The following CTNNA3 variants were observed in gnomAD, a reference collection of about 807,000 sequenced individuals.
The protein encoded by CTNNA3 is catenin alpha-3.
CTNNA3 carries 76 observed loss-of-function variants against 95.7 expected under a neutral mutation model. That is an observed-to-expected ratio of 0.79 (90% CI 0.66 to 0.96). The LOEUF is 0.96. Ranked by LOEUF, CTNNA3 falls within the 40% of genes least tolerant of loss-of-function variation. The probability of loss-of-function intolerance (pLI) is 0.00; values close to 1 mark genes in which losing one functional copy is unlikely to be tolerated. For synonymous variants in CTNNA3, 431 were observed against 374.4 expected (o/e 1.15, Z -1.74); for missense variants, 1,191 against 1,089.8 (o/e 1.09, Z -1.31).
intron 13 of CTNNA3, among the ~76,000 whole-genome samples, chr10:66,159,933 C>A (rs934915737): frequency 9.2e-5 from 14 of 151,886 alleles, no homozygotes; most frequent in African/African-American, 3.1e-4. Flanking sequence ...TGAATATATT[C>A]ATCTCTTCTA....
At chr10:67,341,121 T>C (rs1254791027) in intron 5 of CTNNA3, among the ~76,000 whole-genome samples, 1 of 152,168 alleles carries the variant, frequency 6.6e-6, no homozygotes, top group African/African-American at 2.4e-5. Context: ...GATACAGGCA[T>C]GGAAAGCATA....
At chr10:66,238,477 C>A (rs966807487) in intron 13 of CTNNA3, among the ~76,000 whole-genome samples, 35 of 151,900 alleles carry the variant, frequency 2.3e-4, no homozygotes, top group African/African-American at 8.0e-4. Context: ...TCTTGTCTTA[C>A]CAGATTCCAG....
chr10:66,727,825 G>C (rs1848826569), intron 9 of CTNNA3, among the ~76,000 whole-genome samples: 2 of 151,968 alleles, frequency 1.3e-5, no homozygotes, highest in Admixed American at 6.6e-5. Flanking sequence ...AAGTAATAGG[G>C]AATATTTTTA....
chr10:66,040,504 A>G (rs1343281632), intron 15 of CTNNA3, among the ~76,000 whole-genome samples: 1 of 151,914 alleles, frequency 6.6e-6, no homozygotes, highest in African/African-American at 2.4e-5. Flanking sequence ...ATACTAGATA[A>G]AGTAACTATG....
At chr10:66,113,084 C>T (rs1181623052) in intron 13 of CTNNA3, among the ~76,000 whole-genome samples, 1 of 152,144 alleles carries the variant, frequency 6.6e-6, no homozygotes, top group Non-Finnish European at 1.5e-5. Flanking sequence ...TACATTCCCA[C>T]CAACAGAGTA....
At chr10:66,178,399 GTATATATATATATATATATATATATATA>G (rs71035113) in intron 13 of CTNNA3, among the ~76,000 whole-genome samples, 5 of 91,162 alleles carry the variant, frequency 5.5e-5, no homozygotes, top group South Asian at 4.1e-4. Flanking sequence ...CCTTGAAAGT[GTATATATATATATATATATATATATATA>G]TATATATATA....
chr10:67,719,047 C>G (rs945584150), intron 1 of CTNNA3, among the ~76,000 whole-genome samples: 2 of 151,714 alleles, frequency 1.3e-5, no homozygotes, highest in Non-Finnish European at 2.9e-5. Context: ...TGTATGTGTC[C>G]AGGAATTTAT....
At chr10:67,127,590 AG>A (rs1287930589) in intron 7 of CTNNA3, among the ~76,000 whole-genome samples, 14 of 152,196 alleles carry the variant, frequency 9.2e-5, no homozygotes, top group African/African-American at 3.4e-4. Context: ...CAAAACAATC[AG>A]ACTTCATATC....
chr10:66,486,474 G>A (rs1342057587), intron 11 of CTNNA3, among the ~76,000 whole-genome samples: 4 of 152,068 alleles, frequency 2.6e-5, no homozygotes, highest in Non-Finnish European at 2.9e-5. Context: ...AGGAAAGGCA[G>A]ATCAAAGCCA....
chr10:67,313,119 C>T (rs1398787023), intron 5 of CTNNA3, among the ~76,000 whole-genome samples: 2 of 152,096 alleles, frequency 1.3e-5, no homozygotes, highest in African/African-American at 4.8e-5. Context: ...GGCTAAACTA[C>T]TAATAACTGT....
chr10:66,946,473 G>T (rs1159042461), intron 7 of CTNNA3, among the ~76,000 whole-genome samples: 2 of 152,092 alleles, frequency 1.3e-5, no homozygotes, highest in Non-Finnish European at 2.9e-5. Flanking sequence ...GCACACACAA[G>T]TTCTCTGCAC....
chr10:66,054,014 G>A (rs764251845), intron 15 of CTNNA3, among the ~76,000 whole-genome samples: 38 of 151,930 alleles, frequency 2.5e-4, no homozygotes, highest in Admixed American at 4.6e-4. Flanking sequence ...TTCACTTAAC[G>A]TAATATCTTA....
intron 13 of CTNNA3, among the ~76,000 whole-genome samples, chr10:66,262,455 G>T (rs1025630526): frequency 4.6e-5 from 7 of 151,686 alleles, no homozygotes; most frequent in African/African-American, 1.7e-4. Context: ...AAGGAGCTGT[G>T]TCAACAGTAG....
At chr10:66,476,077 C>T (rs1839315412) in intron 11 of CTNNA3, among the ~76,000 whole-genome samples, 3 of 152,056 alleles carry the variant, frequency 2.0e-5, no homozygotes. Flanking sequence ...ATGGATGGAG[C>T]TGGAAGCCAT....
At chr10:66,231,544 C>A (rs2089590742) in intron 13 of CTNNA3, among the ~76,000 whole-genome samples, 1 of 152,228 alleles carries the variant, frequency 6.6e-6, no homozygotes, top group East Asian at 1.9e-4. Flanking sequence ...GACTTCTTGG[C>A]TCCTGATTTT....
At chr10:67,163,087 C>G (rs1319405648) in intron 7 of CTNNA3, among the ~76,000 whole-genome samples, 2 of 151,860 alleles carry the variant, frequency 1.3e-5, no homozygotes, top group Non-Finnish European at 2.9e-5. Flanking sequence ...TTCTACCCAA[C>G]CTTTCTAGAA....
intron 17 of CTNNA3, among the ~76,000 whole-genome samples, chr10:65,930,195 T>A (rs2077228455): frequency 1.1e-5 from 1 of 89,124 alleles, no homozygotes; most frequent in Non-Finnish European, 2.0e-5. Context: ...CAGTCAGAGC[T>A]CAGTAAAAAA....
At chr10:66,748,065 C>T (rs1025101795) in intron 9 of CTNNA3, among the ~76,000 whole-genome samples, 2 of 152,118 alleles carry the variant, frequency 1.3e-5, no homozygotes, top group African/African-American at 4.8e-5. Context: ...TCAGTCCTTA[C>T]CACAGAGCTC....
chr10:66,626,163 T>A (rs1379932502), intron 9 of CTNNA3, among the ~76,000 whole-genome samples: 1 of 152,148 alleles, frequency 6.6e-6, no homozygotes, highest in Admixed American at 6.5e-5. Context: ...ACTGGTAGTG[T>A]TCTCAGTCAT....
Sources: allele counts gnomAD v4.1 joint callset (sites outside exome capture counted in the v4.1 genomes callset), GRCh38; gene constraint gnomAD v4.1.1; transcripts MANE v1.5; gene names NCBI Gene and HGNC (gene_info 2026-07-23, HGNC 2026-07-21).